MACROD2: variants seen among roughly 807,000 people sequenced by gnomAD.
MACROD2 encodes the protein mono-ADP ribosylhydrolase 2.
MACROD2 carries 36 observed loss-of-function variants against 70.4 expected under a neutral mutation model. The ratio of observed to expected loss-of-function variants is 0.51; its 90% CI spans 0.39 to 0.68. MACROD2 has a LOEUF of 0.68. MACROD2 is among the 30% of genes least tolerant of loss of function. MACROD2 has a pLI of 0.00. For synonymous variants in MACROD2, 172 were observed against 178.8 expected (o/e 0.96, Z 0.30); for missense variants, 496 against 538.4 (o/e 0.92, Z 0.78).
intron 8 of MACROD2, among the ~76,000 whole-genome samples, chr20:15,541,715 T>C (rs1170306743): frequency 6.6e-6 from 1 of 152,212 alleles, no homozygotes; most frequent in Non-Finnish European, 1.5e-5. Context: ...TTCATATGCA[T>C]AACTCCTTAT....
intron 10 of MACROD2, among the ~76,000 whole-genome samples, chr20:15,929,648 G>A (rs896431336): frequency 1.1e-4 from 17 of 152,142 alleles, no homozygotes; most frequent in South Asian, 4.1e-4. Context: ...TTAGACTTAC[G>A]TCTTGTTTAT....
intron 5 of MACROD2, among the ~76,000 whole-genome samples, chr20:14,779,516 T>A (rs988451251): frequency 3.9e-5 from 6 of 152,132 alleles, no homozygotes; most frequent in Admixed American, 2.6e-4. Context: ...AGGCATTCAG[T>A]CAGCAGGTCA....
At chr20:14,492,340 A>G (rs1170910516) in intron 3 of MACROD2, among the ~76,000 whole-genome samples, 1 of 152,204 alleles carries the variant, frequency 6.6e-6, no homozygotes, top group Non-Finnish European at 1.5e-5. Context: ...AGATTATATG[A>G]GACTAAATTT....
chr20:15,385,610 G>C (rs1274155760), intron 6 of MACROD2, among the ~76,000 whole-genome samples: 1 of 152,088 alleles, frequency 6.6e-6, no homozygotes, highest in Non-Finnish European at 1.5e-5. Context: ...CTTGAGAATG[G>C]ATATACACAT....
At chr20:15,948,382 C>CAAAAAAAA (rs71192307) in intron 12 of MACROD2, among the ~76,000 whole-genome samples, 64 of 43,114 alleles carry the variant, frequency 1.5e-3, no homozygotes, top group Non-Finnish European at 2.3e-3. Context: ...CTTGCAACTG[C>CAAAAAAAA]AAAAAAAAAA....
rs139389540 is a variant in MACROD2 at position 15,632,684 on chromosome 20, C to T, written c.645+132837C>T. Reference sequence around the variant, plus strand: ...TCTATGTTGTAATAACATGAGGTTTCATAGGAATAACCAGCATCTTAGAAT... The same window carrying T: ...TCTATGTTGTAATAACATGAGGTTTTATAGGAATAACCAGCATCTTAGAAT... On this transcript the variant is annotated intron_variant, in intron 8 of 17. Transcript: ENST00000684519. Among the ~76,000 whole-genome samples the T allele has an allele frequency of 2.9e-3, 449 of 152,278 alleles. 4 individuals carry two copies. Among genetic ancestry groups the T allele is most frequent in the African/African-American group, 0.01 (422 of 41,544 alleles).
At chr20:14,357,846 G>C (rs1407097943) in intron 3 of MACROD2, among the ~76,000 whole-genome samples, 1 of 152,200 alleles carries the variant, frequency 6.6e-6, no homozygotes, top group Admixed American at 6.5e-5. Context: ...TTGCAAATAA[G>C]ACAGTGCTCT....
chr20:14,759,001 C>G (rs562889328), intron 5 of MACROD2, among the ~76,000 whole-genome samples: 20 of 152,124 alleles, frequency 1.3e-4, no homozygotes, highest in African/African-American at 4.6e-4. Context: ...TTTCTATCTC[C>G]TTTTTCAAGT....
chr20:14,957,297 T>A (rs1030385192), intron 5 of MACROD2, among the ~76,000 whole-genome samples: 4 of 152,140 alleles, frequency 2.6e-5, no homozygotes, highest in African/African-American at 9.7e-5. Flanking sequence ...TTCCCCACAT[T>A]TGTGGAAATT....
intron 5 of MACROD2, among the ~76,000 whole-genome samples, chr20:14,703,796 G>A (rs1017138272): frequency 3.3e-5 from 5 of 151,940 alleles, no homozygotes; most frequent in African/African-American, 4.8e-5. Flanking sequence ...GCATGATCTC[G>A]GCTCACTGCA....
intron 4 of MACROD2, among the ~76,000 whole-genome samples, chr20:14,679,739 G>GA (rs2070907949): frequency 9.5e-6 from 1 of 105,278 alleles, no homozygotes; most frequent in Non-Finnish European, 1.8e-5. Context: ...TCTCCCACAC[G>GA]CTTTTTTTCA....
intron 8 of MACROD2, among the ~76,000 whole-genome samples, chr20:15,612,297 G>A (rs956355074): frequency 1.3e-5 from 2 of 152,106 alleles, no homozygotes; most frequent in Non-Finnish European, 2.9e-5. Flanking sequence ...CTTCTGGCCT[G>A]GTTAGAAAAA....
intron 5 of MACROD2, among the ~76,000 whole-genome samples, chr20:14,699,279 T>G (rs1225790476): frequency 6.6e-6 from 1 of 152,222 alleles, no homozygotes; most frequent in East Asian, 1.9e-4. Flanking sequence ...GTGTTATAAC[T>G]GACTTTTCTG....
chr20:15,514,791 A>G (rs1262019394), intron 8 of MACROD2, among the ~76,000 whole-genome samples: 1 of 152,220 alleles, frequency 6.6e-6, no homozygotes, highest in African/African-American at 2.4e-5. Flanking sequence ...AGATGAGAAA[A>G]CTTAGACTTT....
At chr20:14,240,804 T>C (rs1194799731) in intron 3 of MACROD2, among the ~76,000 whole-genome samples, 1 of 152,114 alleles carries the variant, frequency 6.6e-6, no homozygotes, top group East Asian at 1.9e-4. Flanking sequence ...AACTTACCTA[T>C]ATGATAAACC....
intron 8 of MACROD2, among the ~76,000 whole-genome samples, chr20:15,785,507 G>GA (rs1459693454): frequency 4.6e-5 from 7 of 152,146 alleles, no homozygotes; most frequent in Non-Finnish European, 8.8e-5. Flanking sequence ...CAGTAGGGGA[G>GA]AAAAAACATA....
chr20:16,018,466 T>G (rs1401126963), intron 15 of MACROD2, among the ~76,000 whole-genome samples: 1 of 152,140 alleles, frequency 6.6e-6, no homozygotes, highest in African/African-American at 2.4e-5. Context: ...TTGCTTTTCT[T>G]CTCCAAACCC....
chr20:15,073,826 C>CCAAGACT (rs1262970565), intron 5 of MACROD2, among the ~76,000 whole-genome samples: 1 of 152,124 alleles, frequency 6.6e-6, no homozygotes, highest in African/African-American at 2.4e-5. Context: ...TTCTTTTCTT[C>CCAAGACT]CAAGACTTAG....
Position 15,288,243 on chromosome 20 carries a change from C to G in MACROD2, c.540+58182C>G, listed in dbSNP as rs140479626. On this transcript the variant is annotated intron_variant, in intron 6 of 17. Coordinates refer to ENST00000684519, the MANE Select transcript of MACROD2 (RefSeq NM_001351661.2). ...GAACAAATCGCCCCAACAGGGCCAT[C>G]TGTACCAGGCTCTCCATGCCTCTGC... 4.4e-3 allele frequency among the ~76,000 whole-genome samples: 669 copies of G among 152,320 alleles called. 6 individuals are homozygous for G. The highest frequency in any genetic ancestry group is 0.016 in the African/African-American group (646 of 41,566).
Sources: allele counts gnomAD v4.1 joint callset (sites outside exome capture counted in the v4.1 genomes callset), GRCh38; gene constraint gnomAD v4.1.1; transcripts MANE v1.5; gene names NCBI Gene and HGNC (gene_info 2026-07-23, HGNC 2026-07-21).